MBOAT1: variants seen among roughly 807,000 people sequenced by gnomAD.
The protein encoded by MBOAT1 is membrane-bound glycerophospholipid O-acyltransferase 1.
MBOAT1 carries 67 observed loss-of-function variants against 64.4 expected under a neutral mutation model. The observed-to-expected ratio is 1.04, with a 90% CI of 0.85 to 1.27. The LOEUF (loss-of-function observed/expected upper bound fraction) is 1.27. MBOAT1 is among the 50% of genes most tolerant of loss of function. The pLI is 0.00. For missense variants in MBOAT1, 563 were observed against 604.6 expected, an observed-to-expected ratio of 0.93 and a Z score of 0.72; for synonymous variants, 229 against 218.9, an observed-to-expected ratio of 1.05 and a Z score of -0.41.
At chr6:20,125,306 C>A (rs1760618647) in intron 7 of MBOAT1, among the ~76,000 whole-genome samples, 1 of 152,318 alleles carries the variant, frequency 6.6e-6, no homozygotes, top group East Asian at 1.9e-4. Context: ...ATAGCACCTT[C>A]CTCAGAGGGC....
At chr6:20,184,342 AG>A (rs1762589368) in intron 1 of MBOAT1, among the ~76,000 whole-genome samples, 1 of 152,048 alleles carries the variant, frequency 6.6e-6, no homozygotes, top group Admixed American at 6.6e-5. Context: ...GGGGTTGGTG[AG>A]GGGGGACAGG....
At chr6:20,183,461 A>C (rs1461600870) in intron 1 of MBOAT1, among the ~76,000 whole-genome samples, 1 of 152,180 alleles carries the variant, frequency 6.6e-6, no homozygotes, top group Non-Finnish European at 1.5e-5. Context: ...TTCTGATTAT[A>C]CTTTGAATTT....
chr6:20,114,797 T>C (rs1363523760), intron 10 of MBOAT1, among the ~76,000 whole-genome samples: 1 of 151,814 alleles, frequency 6.6e-6, no homozygotes, highest in African/African-American at 2.4e-5. Context: ...GGCAGGAGAA[T>C]TGCTTGAACC....
intron 1 of MBOAT1, among the ~76,000 whole-genome samples, chr6:20,202,798 C>G (rs1321894463): frequency 6.6e-6 from 1 of 152,156 alleles, no homozygotes; most frequent in Non-Finnish European, 1.5e-5. Context: ...CCTGGCAAAA[C>G]TACTAGAAAT....
intron 1 of MBOAT1, among the ~76,000 whole-genome samples, chr6:20,176,676 T>A (rs1762350983): frequency 6.6e-6 from 1 of 152,184 alleles, no homozygotes; most frequent in East Asian, 1.9e-4. Context: ...CAGGCTGGAG[T>A]GCACTGGTGC....
At chr6:20,169,138 T>C (rs1386841958) in intron 1 of MBOAT1, among the ~76,000 whole-genome samples, 1 of 152,126 alleles carries the variant, frequency 6.6e-6, no homozygotes, top group Non-Finnish European at 1.5e-5. Flanking sequence ...CTCTCCTGTA[T>C]ACCAATAATA....
intron 1 of MBOAT1, among the ~76,000 whole-genome samples, chr6:20,158,552 A>G (rs554787550): frequency 3.7e-4 from 57 of 152,358 alleles, no homozygotes; most frequent in Non-Finnish European, 6.6e-4. Flanking sequence ...AAGCACAGGC[A>G]ACAAAAGCAA....
chr6:20,124,767 G>C (rs572794791), intron 7 of MBOAT1, among the ~76,000 whole-genome samples, 167 bp from the exon 8 acceptor site: 2 of 152,296 alleles, frequency 1.3e-5, no homozygotes, highest in South Asian at 4.1e-4. Flanking sequence ...TCTGACAATG[G>C]AGATTAGGTG....
At chr6:20,163,998 T>A (rs1051616533) in intron 1 of MBOAT1, among the ~76,000 whole-genome samples, 3 of 152,098 alleles carry the variant, frequency 2.0e-5, no homozygotes, top group African/African-American at 4.8e-5. Flanking sequence ...TAGAGATCAC[T>A]ACCAATGGCA....
intron 1 of MBOAT1, among the ~76,000 whole-genome samples, chr6:20,211,121 G>T (rs916283890): frequency 3.3e-5 from 5 of 152,124 alleles, no homozygotes; most frequent in African/African-American, 1.2e-4. Flanking sequence ...CAGGTATGAG[G>T]GTGGCTCAGT....
chr6:20,211,999 CACACAA>C, intron 1 of MBOAT1, 131 bp downstream of exon 1: 1 of 692,174 alleles, frequency 1.4e-6, no homozygotes, highest in Non-Finnish European at 2.4e-6. Context: ...CACACACACA[CACACAA>C]AAACCAACTG....
intron 1 of MBOAT1, among the ~76,000 whole-genome samples, chr6:20,183,883 G>C (rs892085898): frequency 6.6e-6 from 1 of 152,194 alleles, no homozygotes; most frequent in Non-Finnish European, 1.5e-5. Flanking sequence ...GGAGGCGAAA[G>C]GCACTTCTTA....
chr6:20,189,982 T>A (rs1175280935), intron 1 of MBOAT1, among the ~76,000 whole-genome samples: 2 of 152,110 alleles, frequency 1.3e-5, no homozygotes, highest in Non-Finnish European at 2.9e-5. Flanking sequence ...CTCTAAGTTT[T>A]TTTTTTTTAA....
intron 1 of MBOAT1, among the ~76,000 whole-genome samples, chr6:20,202,351 C>CGTTTTGTTTT (rs57845369): frequency 0.5 from 76,140 of 151,468 alleles, 20,931 homozygotes; most frequent in Non-Finnish European, 0.61. Context: ...CCCTGGTTTT[C>CGTTTTGTTTT]GTTTTGTTTT....
At chr6:20,153,000 T>C (rs1761572389) in intron 1 of MBOAT1, among the ~76,000 whole-genome samples, 1 of 151,794 alleles carries the variant, frequency 6.6e-6, no homozygotes, top group Non-Finnish European at 1.5e-5. Flanking sequence ...GCCCGGCTAA[T>C]TTTTTTTGTA....
intron 6 of MBOAT1, among the ~76,000 whole-genome samples, chr6:20,127,106 C>T (rs1159287326): frequency 1.3e-5 from 2 of 152,184 alleles, no homozygotes; most frequent in South Asian, 4.1e-4. Flanking sequence ...AAAACTCCCT[C>T]CCGATTGCCA....
At chr6:20,203,650 A>G (rs1427089955) in intron 1 of MBOAT1, among the ~76,000 whole-genome samples, 1 of 151,848 alleles carries the variant, frequency 6.6e-6, no homozygotes, top group South Asian at 2.1e-4. Context: ...GATGACGAAG[A>G]TTCATCTTCA....
chr6:20,135,973 A>T (rs1760978875), intron 4 of MBOAT1, among the ~76,000 whole-genome samples: 1 of 152,170 alleles, frequency 6.6e-6, no homozygotes, highest in Non-Finnish European at 1.5e-5. Context: ...GTAGCGAGGG[A>T]CAGAGAAAGC....
chr6:20,196,175 A>G (rs2113763195), intron 1 of MBOAT1, among the ~76,000 whole-genome samples: 1 of 152,326 alleles, frequency 6.6e-6, no homozygotes, highest in South Asian at 2.1e-4. Flanking sequence ...AGCAAATGCA[A>G]TTTAAGTGAG....
Sources: gnomAD v4.1 joint callset for allele counts (sites outside exome capture counted in the v4.1 genomes callset) on GRCh38, gnomAD v4.1.1 for gene constraint, MANE v1.5 for transcripts, NCBI Gene and HGNC (gene_info 2026-07-23, HGNC 2026-07-21) for gene names.